Variants in GKAP1 observed in about 807,000 individuals in gnomAD.
GKAP1 encodes the protein G kinase anchoring protein 1, also known as G kinase-anchoring protein 1.
GKAP1 carries 31 observed loss-of-function variants against 56.7 expected under a neutral mutation model. That is an observed-to-expected ratio of 0.55 (90% CI 0.41 to 0.74). GKAP1 has a LOEUF of 0.74. GKAP1 is among the 30% of genes least tolerant of loss of function. The probability of loss-of-function intolerance (pLI) is 0.00; values close to 1 mark genes in which losing one functional copy is unlikely to be tolerated. For missense variants in GKAP1, 364 were observed against 402.3 expected (o/e 0.90, Z 0.82); for synonymous variants, 151 against 138.6 (o/e 1.09, Z -0.63).
intron 8 of GKAP1, among the ~76,000 whole-genome samples, chr9:83,768,594 T>C (rs996628519): frequency 6.6e-6 from 1 of 152,208 alleles, no homozygotes; most frequent in Non-Finnish European, 1.5e-5. Flanking sequence ...ACATAGCTTA[T>C]GGCACATGCT....
intron 10 of GKAP1, among the ~76,000 whole-genome samples, chr9:83,746,348 C>A (rs1943293627): frequency 6.6e-6 from 1 of 152,176 alleles, no homozygotes; most frequent in Non-Finnish European, 1.5e-5. Context: ...TAAGTCCCTA[C>A]TATAAAATGG....
At chr9:83,758,779 G>C (rs1318630390) in intron 8 of GKAP1, among the ~76,000 whole-genome samples, 1 of 151,448 alleles carries the variant, frequency 6.6e-6, no homozygotes, top group African/African-American at 2.4e-5. Flanking sequence ...GACAGACTTA[G>C]GGTTGATTTA....
chr9:83,795,368 A>G (rs1944227324), intron 4 of GKAP1, among the ~76,000 whole-genome samples: 1 of 152,132 alleles, frequency 6.6e-6, no homozygotes, highest in Non-Finnish European at 1.5e-5. Context: ...ATATAAGACC[A>G]CTTTTCCACA....
intron 8 of GKAP1, among the ~76,000 whole-genome samples, chr9:83,754,657 T>C (rs894657005): frequency 6.6e-6 from 1 of 152,050 alleles, no homozygotes; most frequent in Non-Finnish European, 1.5e-5. Context: ...TAAACCAGTA[T>C]GGTAAGATAG....
chr9:83,814,400 C>T (rs909102874), intron 2 of GKAP1, among the ~76,000 whole-genome samples: 1 of 152,204 alleles, frequency 6.6e-6, no homozygotes, highest in African/African-American at 2.4e-5. Context: ...TCCTCAAAAT[C>T]CTGCTCAGGT....
intron 7 of GKAP1, among the ~76,000 whole-genome samples, chr9:83,769,856 C>T (rs1337445070): frequency 6.6e-6 from 1 of 152,208 alleles, no homozygotes; most frequent in African/African-American, 2.4e-5. Context: ...AATTTCTCCA[C>T]ATTCTCATCA....
chr9:83,765,743 C>A (rs769034642), intron 8 of GKAP1, among the ~76,000 whole-genome samples: 23 of 152,190 alleles, frequency 1.5e-4, no homozygotes, highest in Non-Finnish European at 3.4e-4. Flanking sequence ...TGTAGCCCCT[C>A]TGTTTTGGCC....
rs1054192377 is a variant in GKAP1 at position 83,770,356 on chromosome 9, T to G, written c.586-1386A>C. The stretch of plus-strand genomic sequence containing the variant: ...CACGGTGTGAAGAAAGGGTCGAAAT[T>G]CACTCTTCTGCATGACAATATCCAG... On this transcript the variant is annotated intron_variant, in intron 7 of 12. Coordinates refer to ENST00000376371, the MANE Select transcript of GKAP1 (RefSeq NM_025211.4). 1.6e-4 allele frequency among the ~76,000 whole-genome samples: 25 copies of G among 152,348 alleles called. No individual in the cohort carries two copies. The South Asian group carries it at 1.9e-3, about 11-fold the overall frequency.
intron 9 of GKAP1, among the ~76,000 whole-genome samples, chr9:83,751,037 A>G (rs1266168865): frequency 1.3e-5 from 2 of 152,034 alleles, no homozygotes; most frequent in African/African-American, 2.4e-5. Context: ...GGGTTTCACC[A>G]TGTTAGCCAG....
chr9:83,778,848 T>A (rs899485581), intron 7 of GKAP1, among the ~76,000 whole-genome samples: 1 of 150,050 alleles, frequency 6.7e-6, no homozygotes, highest in Non-Finnish European at 1.5e-5. Flanking sequence ...TTTTATTATA[T>A]ATCAGATTAT....
intron 8 of GKAP1, 65 bp downstream of exon 8, chr9:83,768,753 T>C: frequency 1.4e-6 from 2 of 1,413,480 alleles, no homozygotes; most frequent in Admixed American, 3.9e-5. Context: ...TGCTTACTTG[T>C]TTAAAAAATA....
chr9:83,794,346 G>A (rs958320255), intron 4 of GKAP1, among the ~76,000 whole-genome samples: 4 of 152,106 alleles, frequency 2.6e-5, no homozygotes, highest in Non-Finnish European at 5.9e-5. Flanking sequence ...TTGCTAAAGA[G>A]CCAAAAATAC....
Position 83,794,037 on chromosome 9 carries a change from G to C in GKAP1, c.360+5148C>G, listed in dbSNP as rs148426529. 3.6e-3 allele frequency among the ~76,000 whole-genome samples: 552 copies of C among 152,256 alleles called. 3 individuals carry two copies. Among genetic ancestry groups the C allele is most frequent in the Non-Finnish European group, 6.0e-3 (410 of 68,000 alleles). On this transcript the variant is annotated intron_variant, in intron 4 of 12. Transcript: ENST00000376371. ...CAAAAAATTAGCCAGCCATGGTGGA[G>C]TGTGCCTGTAGTCCCAGCTACTTGG...
intron 8 of GKAP1, among the ~76,000 whole-genome samples, chr9:83,764,175 C>T (rs1383073068): frequency 6.6e-6 from 1 of 152,078 alleles, no homozygotes; most frequent in Non-Finnish European, 1.5e-5. Context: ...CTTGGTGATA[C>T]GGTTTGGCTC....
chr9:83,780,100 T>C (rs75515891), intron 7 of GKAP1, among the ~76,000 whole-genome samples: 1,548 of 152,202 alleles, frequency 0.01, 26 homozygotes, highest in African/African-American at 0.035. Context: ...GATTTTAAGC[T>C]TGGCACACAC....
chr9:83,761,650 T>C (rs1037738218), intron 8 of GKAP1, among the ~76,000 whole-genome samples: 1 of 152,076 alleles, frequency 6.6e-6, no homozygotes, highest in Non-Finnish European at 1.5e-5. Context: ...TGAATATTGA[T>C]GCAAAAAATC....
chr9:83,748,326 AT>A lies in GKAP1; in HGVS notation c.886del (p.Met296CysfsTer7). ...VKARNAQLLK[M>X]LQEGEMKDKA... ...CCACTTACTTTCACCTTCCTGAAGC[AT>A]TTTCAATAATTGTGCATTTCTTGCC... On this transcript the variant is annotated frameshift_variant, in exon 10 of 13. Coordinates refer to ENST00000376371, the MANE Select transcript of GKAP1 (RefSeq NM_025211.4). LOFTEE classifies it high-confidence loss of function. 1.9e-6 allele frequency: 3 copies of A among 1,598,022 alleles called. No individual in the cohort carries two copies. The highest frequency in any genetic ancestry group is 8.5e-7 in the Non-Finnish European group (1 of 1,169,974).
intron 10 of GKAP1, among the ~76,000 whole-genome samples, chr9:83,744,374 T>C (rs1473575304): frequency 6.6e-6 from 1 of 152,200 alleles, no homozygotes; most frequent in Non-Finnish European, 1.5e-5. Context: ...CTTGAATATC[T>C]ACCAGCTACC....
At chr9:83,781,104 TG>T (rs1943963929) in intron 6 of GKAP1, among the ~76,000 whole-genome samples, 1 of 152,184 alleles carries the variant, frequency 6.6e-6, no homozygotes, top group Admixed American at 6.5e-5. Context: ...GGCTCACACC[TG>T]TAATCCCAGC....
Sources: gnomAD v4.1 joint callset for allele counts (sites outside exome capture counted in the v4.1 genomes callset) on GRCh38, gnomAD v4.1.1 for gene constraint, MANE v1.5 for transcripts, NCBI Gene and HGNC (gene_info 2026-07-23, HGNC 2026-07-21) for gene names.